The following FHIP2A variants were observed in gnomAD, a reference collection of about 807,000 sequenced individuals.
FHIP2A encodes FHF complex subunit HOOK interacting protein 2A.
In FHIP2A, 46 loss-of-function variants were observed where a neutral mutation model predicts 93.5. That is an observed-to-expected ratio of 0.49 (90% confidence interval 0.39 to 0.63). FHIP2A has a LOEUF of 0.63. Ranked by LOEUF, FHIP2A falls within the 20% of genes least tolerant of loss-of-function variation. The probability of loss-of-function intolerance (pLI) is 0.00; values close to 1 mark genes in which losing one functional copy is unlikely to be tolerated. For missense variants in FHIP2A, 769 were observed against 909.7 expected, an observed-to-expected ratio of 0.85 and a Z score of 1.99; for synonymous variants, 332 against 326.5, an observed-to-expected ratio of 1.02 and a Z score of -0.18.
chr10:114,876,065 T>A (rs2083887704), intron 16 of FHIP2A, among the ~76,000 whole-genome samples: 2 of 152,004 alleles, frequency 1.3e-5, no homozygotes, highest in African/African-American at 4.8e-5. Context: ...GGGGAAAGAC[T>A]GAGGAGGAAG....
intron 16 of FHIP2A, among the ~76,000 whole-genome samples, chr10:114,885,592 G>A (rs1566388309): frequency 6.6e-6 from 1 of 152,144 alleles, no homozygotes; most frequent in Non-Finnish European, 1.5e-5. Context: ...GTTGAATTAA[G>A]GTAGAATTAA....
chr10:114,879,364 A>AG (rs1435162974), intron 16 of FHIP2A, among the ~76,000 whole-genome samples: 1 of 152,032 alleles, frequency 6.6e-6, no homozygotes, highest in Admixed American at 6.6e-5. Flanking sequence ...GACATGGCTT[A>AG]GGTAAGCTCC....
At chr10:114,884,474 C>T (rs1375856383) in intron 16 of FHIP2A, among the ~76,000 whole-genome samples, 1 of 152,164 alleles carries the variant, frequency 6.6e-6, no homozygotes, top group Non-Finnish European at 1.5e-5. Flanking sequence ...TTCTTCTCAG[C>T]TAGGAAAATT....
intron 1 of FHIP2A, among the ~76,000 whole-genome samples, chr10:114,826,765 G>T (rs139079473): frequency 6.6e-6 from 1 of 152,072 alleles, no homozygotes; most frequent in Non-Finnish European, 1.5e-5. Context: ...AGGCCGAGGC[G>T]GACGGATCAC....
chr10:114,887,980 A>G (rs2083951519), intron 16 of FHIP2A, among the ~76,000 whole-genome samples: 1 of 152,138 alleles, frequency 6.6e-6, no homozygotes, highest in Admixed American at 6.5e-5. Context: ...CTATGGACAG[A>G]TATTGGAAGG....
At chr10:114,835,691 T>A in intron 4 of FHIP2A, 50 bp downstream of exon 4, 1 of 1,091,072 alleles carries the variant, frequency 9.2e-7, no homozygotes, top group Non-Finnish European at 1.3e-6. Context: ...TCTTTTAATG[T>A]TGAAATAATT....
exon 17 of FHIP2A, chr10:114,899,495 C>T (rs772397295): frequency 1.5e-5 from 11 of 718,398 alleles, no homozygotes; most frequent in East Asian, 5.4e-5. Flanking sequence ...CTCAGGCAGA[C>T]GTTGCCTTCA....
intron 16 of FHIP2A, among the ~76,000 whole-genome samples, chr10:114,894,100 T>C (rs1451622511): frequency 6.6e-6 from 1 of 152,166 alleles, no homozygotes; most frequent in East Asian, 1.9e-4. Context: ...AACCAGTTAA[T>C]TTTAAATGTC....
chr10:114,837,241 G>A (rs1005367483), intron 5 of FHIP2A, among the ~76,000 whole-genome samples: 8 of 152,098 alleles, frequency 5.3e-5, no homozygotes, highest in East Asian at 3.9e-4. Context: ...CTGGCCAGGC[G>A]CGATGGCTCA....
Position 114,859,340 on chromosome 10 carries a change from G to A in FHIP2A, c.1948-1409G>A, listed in dbSNP as rs924894093. Among the ~76,000 whole-genome samples, 64 of 152,196 alleles carry A rather than the reference G, an allele frequency of 4.2e-4. 2 individuals are homozygous for A. Among genetic ancestry groups the A allele is most frequent in the Admixed American group, 6.5e-5 (1 of 15,282 alleles). ...TGCCGAAGTCTGTAGCAGAACTGGC[G>A]TGTGCCCGAGCATTCTCCACTGAAT... On this transcript the variant is annotated intron_variant, in intron 14 of 16. Coordinates refer to ENST00000369248, the MANE Select transcript of FHIP2A (RefSeq NM_020940.4).
chr10:114,835,682 CT>C, intron 4 of FHIP2A, 41 bp downstream of exon 4: 3 of 1,150,566 alleles, frequency 2.6e-6, no homozygotes, highest in Non-Finnish European at 3.7e-6. Context: ...TGTTTGATTT[CT>C]TTTAATGTTG....
At chr10:114,843,698 A>G (rs754425983) in intron 6 of FHIP2A, 43 bp from the exon 7 acceptor site, 1 of 1,377,112 alleles carries the variant, frequency 7.3e-7, no homozygotes, top group Non-Finnish European at 9.7e-7. Flanking sequence ...AACCTGATGT[A>G]TATACAATTC....
rs34515682 is a variant in FHIP2A at position 114,849,127 on chromosome 10, C to CA, written c.1803+417dup. Among the ~76,000 whole-genome samples, 431 of 50,378 alleles carry CA rather than the reference C, an allele frequency of 8.6e-3. 20 individuals are homozygous for CA. Among genetic ancestry groups the CA allele is most frequent in the East Asian group, 0.021 (21 of 1,002 alleles). 33.0% of individuals were successfully genotyped at this position (50,378 alleles called of 152,430 possible). On this transcript the variant is annotated intron_variant, in intron 13 of 16. Coordinates refer to ENST00000369248, the MANE Select transcript of FHIP2A (RefSeq NM_020940.4). ...TGGGCAAGAGAGCAAGACTCCATCT[C>CA]AAAAAAAAAAAAAAAAAAAAAAAAA... is the stretch of plus-strand genomic sequence containing the variant.
intron 1 of FHIP2A, among the ~76,000 whole-genome samples, chr10:114,827,520 G>A (rs1045720775): frequency 1.5e-4 from 23 of 152,180 alleles, no homozygotes; most frequent in Non-Finnish European, 3.2e-4. Flanking sequence ...GGCATAGGCC[G>A]GGCCCGGTGG....
intron 7 of FHIP2A, among the ~76,000 whole-genome samples, chr10:114,844,924 A>G (rs897736002): frequency 2.7e-5 from 4 of 150,878 alleles, no homozygotes; most frequent in Non-Finnish European, 5.9e-5. Context: ...AGCTGGGATT[A>G]CAGGCATGAG....
chr10:114,843,678 G>A, intron 6 of FHIP2A, 63 bp from the exon 7 acceptor site: 7 of 1,234,644 alleles, frequency 5.7e-6, no homozygotes, highest in Non-Finnish European at 7.6e-6. Context: ...TATGTTGAAT[G>A]TTTTCAAACA....
At chr10:114,843,592 C>G in intron 6 of FHIP2A, 149 bp from the exon 7 acceptor site, 1 of 641,900 alleles carries the variant, frequency 1.6e-6, no homozygotes, top group Non-Finnish European at 2.4e-6. Flanking sequence ...GTGTGAAGCT[C>G]CACAGTTGGC....
At chr10:114,871,543 A>G (rs1477518446) in intron 16 of FHIP2A, among the ~76,000 whole-genome samples, 1 of 151,982 alleles carries the variant, frequency 6.6e-6, no homozygotes, top group Non-Finnish European at 1.5e-5. Flanking sequence ...TGAATAATCC[A>G]TTTTCCTCAC....
chr10:114,894,921 G>A (rs759160116), intron 16 of FHIP2A, among the ~76,000 whole-genome samples: 4 of 152,178 alleles, frequency 2.6e-5, no homozygotes, highest in Non-Finnish European at 5.9e-5. Context: ...TAAAAATAGT[G>A]TCAAGGTCCT....
Sources: gnomAD v4.1 joint callset for allele counts (sites outside exome capture counted in the v4.1 genomes callset) on GRCh38, gnomAD v4.1.1 for gene constraint, MANE v1.5 for transcripts, NCBI Gene and HGNC (gene_info 2026-07-23, HGNC 2026-07-21) for gene names.